Variants in SPATA17 observed in about 807,000 individuals in gnomAD.
SPATA17 encodes the protein spermatogenesis-associated protein 17.
Under a neutral mutation model 62.2 loss-of-function variants are expected in SPATA17, and 53 were observed. That is an observed-to-expected ratio of 0.85 (90% confidence interval 0.68 to 1.07). The LOEUF (loss-of-function observed/expected upper bound fraction) is 1.07. SPATA17 is among the 50% of genes least tolerant of loss of function. The probability of loss-of-function intolerance (pLI) is 0.00; values close to 1 mark genes in which losing one functional copy is unlikely to be tolerated. For synonymous variants in SPATA17, 146 were observed against 146.8 expected, an observed-to-expected ratio of 0.99 and a Z score of 0.04; for missense variants, 466 against 425.5, an observed-to-expected ratio of 1.10 and a Z score of -0.84.
At chr1:217,709,027 G>A (rs1650380919) in intron 5 of SPATA17, among the ~76,000 whole-genome samples, 1 of 151,970 alleles carries the variant, frequency 6.6e-6, no homozygotes, top group Admixed American at 6.6e-5. Context: ...GGCATTGAAG[G>A]AACATACTTC....
In SPATA17 at chr1:217,770,978, A is replaced by ATT. The variant is rs374042087; in HGVS notation, c.520-3327_520-3326dup. On this transcript the variant is annotated intron_variant, in intron 6 of 10. Coordinates refer to ENST00000366933, the MANE Select transcript of SPATA17 (RefSeq NM_138796.4). ...ATGTATCTATTATATAACTCATTGC[A>ATT]TTTTTTTTTTTTTTTTTTTTTTTTT... Among the ~76,000 whole-genome samples the ATT allele has an allele frequency of 5.8e-3, 289 of 50,142 alleles. 36 individuals are homozygous for ATT. Among genetic ancestry groups the ATT allele is most frequent in the African/African-American group, 0.016 (187 of 11,548 alleles). 32.9% of individuals were successfully genotyped at this position (50,142 alleles called of 152,430 possible).
intron 5 of SPATA17, among the ~76,000 whole-genome samples, chr1:217,696,192 G>A (rs1336564917): frequency 4.6e-5 from 7 of 152,326 alleles, no homozygotes; most frequent in African/African-American, 9.6e-5. Flanking sequence ...ATATAGTCTC[G>A]TGGTGCACCG....
intron 9 of SPATA17, among the ~76,000 whole-genome samples, chr1:217,828,304 G>A (rs1473772251): frequency 6.6e-6 from 1 of 151,596 alleles, no homozygotes; most frequent in Admixed American, 6.6e-5. Context: ...TTTTGACAAG[G>A]GCACCAAGAG....
At chr1:217,784,726 C>CA (rs1188874012) in intron 8 of SPATA17, among the ~76,000 whole-genome samples, 3 of 152,016 alleles carry the variant, frequency 2.0e-5, no homozygotes, top group Admixed American at 6.6e-5. Context: ...TTTAAGACAT[C>CA]AAAAAAGTTG....
intron 3 of SPATA17, among the ~76,000 whole-genome samples, chr1:217,661,345 A>G (rs1055327749): frequency 7.2e-5 from 11 of 151,992 alleles, no homozygotes; most frequent in African/African-American, 2.7e-4. Flanking sequence ...TCAAGCAGAA[A>G]GAGGACTGTG....
rs377747507 is a variant in SPATA17, at chr1:217,638,516, A to G, written c.68+7070A>G. Among the ~76,000 whole-genome samples the G allele has an allele frequency of 7.9e-5, 12 of 152,268 alleles. No individual in the cohort carries two copies. The South Asian group carries it at 2.5e-3, about 32-fold the overall frequency. ...TGGCTCATTGATGGGGAAAAAGAAA[A>G]TTGAAAGTACCTTTTACTGTCTTAT... On this transcript the variant is annotated intron_variant, in intron 1 of 10. Transcript: ENST00000366933.
chr1:217,756,172 A>G (rs977385913), intron 6 of SPATA17, among the ~76,000 whole-genome samples: 14 of 152,204 alleles, frequency 9.2e-5, no homozygotes, highest in Admixed American at 7.2e-4. Flanking sequence ...ATAATTTTAG[A>G]TACAAAACAA....
Position 217,815,657 on chromosome 1 carries a change from C to CTTTGT in SPATA17, c.1005+13810_1005+13811insGTTTT, listed in dbSNP as rs1421614779. On this transcript the variant is annotated intron_variant, in intron 9 of 10. Coordinates refer to ENST00000366933, the MANE Select transcript of SPATA17 (RefSeq NM_138796.4). ...GTGCTTAAGAACCATAATCAGTTAA[C>CTTTGT]TTTATGTAAAGCAGATTATCCTCCA... 4.6e-5 allele frequency among the ~76,000 whole-genome samples: 7 copies of CTTTGT among 152,114 alleles called. No homozygotes were observed. In the East Asian group the frequency reaches 1.4e-3, roughly 29 times the overall value.
At chr1:217,722,791 TA>T (rs1051941833) in intron 5 of SPATA17, among the ~76,000 whole-genome samples, 18 of 152,220 alleles carry the variant, frequency 1.2e-4, no homozygotes, top group African/African-American at 4.1e-4. Flanking sequence ...TTTTAATCAC[TA>T]CCCCACTATC....
At chr1:217,752,223 T>G (rs1672930609) in intron 6 of SPATA17, among the ~76,000 whole-genome samples, 1 of 152,040 alleles carries the variant, frequency 6.6e-6, no homozygotes, top group African/African-American at 2.4e-5. Flanking sequence ...ACATAGGGTC[T>G]TGCTGTGTTG....
intron 8 of SPATA17, among the ~76,000 whole-genome samples, chr1:217,793,003 T>C (rs1245914416): frequency 2.0e-5 from 3 of 152,102 alleles, no homozygotes; most frequent in African/African-American, 4.8e-5. Flanking sequence ...CTATTTGAGG[T>C]TCCTCTAGTG....
chr1:217,831,761 A>C (rs1675148119), intron 9 of SPATA17, among the ~76,000 whole-genome samples: 1 of 152,130 alleles, frequency 6.6e-6, no homozygotes, highest in African/African-American at 2.4e-5. Flanking sequence ...TGGCTCACCC[A>C]CCTAAAGCTA....
At chr1:217,779,751 T>G (rs1206822028) in intron 7 of SPATA17, among the ~76,000 whole-genome samples, 1 of 152,152 alleles carries the variant, frequency 6.6e-6, no homozygotes, top group African/African-American at 2.4e-5. Flanking sequence ...TGGTGACATT[T>G]AAGATTATGC....
At chr1:217,845,094 A>G (rs1675494063) in intron 9 of SPATA17, among the ~76,000 whole-genome samples, 1 of 151,612 alleles carries the variant, frequency 6.6e-6, no homozygotes, top group Non-Finnish European at 1.5e-5. Flanking sequence ...AGCCTCTTTT[A>G]TTCTTTAGTC....
chr1:217,857,884 A>G (rs994454731), intron 9 of SPATA17, among the ~76,000 whole-genome samples: 1 of 152,170 alleles, frequency 6.6e-6, no homozygotes, highest in Non-Finnish European at 1.5e-5. Context: ...GTTTATCTGT[A>G]CTATTGTCTG....
At chr1:217,743,013 G>GGAC (rs1672659461) in intron 6 of SPATA17, among the ~76,000 whole-genome samples, 1 of 69,198 alleles carries the variant, frequency 1.4e-5, no homozygotes, top group African/African-American at 5.9e-5. Context: ...TAGATCTCCC[G>GGAC]CATCTCTAGC....
chr1:217,732,171 A>G (rs1272759288), intron 5 of SPATA17, among the ~76,000 whole-genome samples: 1 of 152,026 alleles, frequency 6.6e-6, no homozygotes, highest in African/African-American at 2.4e-5. Flanking sequence ...TCCCTGTGGC[A>G]TTCATATAAA....
intron 5 of SPATA17, among the ~76,000 whole-genome samples, chr1:217,710,352 G>A (rs1395707968): frequency 6.6e-6 from 1 of 151,944 alleles, no homozygotes; most frequent in Non-Finnish European, 1.5e-5. Flanking sequence ...CAGATTGGTA[G>A]CATTAATAAA....
At chr1:217,825,324 T>A (rs1674966632) in intron 9 of SPATA17, among the ~76,000 whole-genome samples, 1 of 151,840 alleles carries the variant, frequency 6.6e-6, no homozygotes, top group African/African-American at 2.4e-5. Context: ...TCCTAAAATA[T>A]ACAGAACAAG....
Sources: allele counts gnomAD v4.1 joint callset (sites outside exome capture counted in the v4.1 genomes callset), GRCh38; gene constraint gnomAD v4.1.1; transcripts MANE v1.5; gene names NCBI Gene and HGNC (gene_info 2026-07-23, HGNC 2026-07-21).